AAK1: variants seen among roughly 807,000 people sequenced by gnomAD.
The protein encoded by AAK1 is AP2 associated kinase 1, also known as AP2-associated protein kinase 1.
Under a neutral mutation model 116.0 loss-of-function variants are expected in AAK1, and 37 were observed. The observed-to-expected ratio is 0.32, with a 90% CI of 0.25 to 0.42. The LOEUF (loss-of-function observed/expected upper bound fraction) is 0.42, where lower values mean the gene tolerates loss of function less well. AAK1 is among the 10% of genes least tolerant of loss of function. The pLI is 1.00. For synonymous variants in AAK1, 458 were observed against 439.9 expected (o/e 1.04, Z -0.51); for missense variants, 919 against 1,170.6 (o/e 0.79, Z 3.14).
intron 2 of AAK1, among the ~76,000 whole-genome samples, chr2:69,591,755 G>A (rs1394533823): frequency 6.6e-6 from 1 of 152,060 alleles, no homozygotes; most frequent in Non-Finnish European, 1.5e-5. Context: ...ATTTTTAGCA[G>A]AGACGGGGTT....
At chr2:69,498,095 G>T (rs1371742985) in intron 16 of AAK1, among the ~76,000 whole-genome samples, 2 of 128,928 alleles carry the variant, frequency 1.6e-5, no homozygotes, top group Non-Finnish European at 3.1e-5. Context: ...CTTTCTCAAT[G>T]ACCCCTGAAT....
chr2:69,633,907 C>T (rs1318464408), intron 2 of AAK1, among the ~76,000 whole-genome samples: 11 of 152,288 alleles, frequency 7.2e-5, no homozygotes, highest in Admixed American at 3.9e-4. Flanking sequence ...CAGTGGCTCA[C>T]GCCTGTAATC....
intron 2 of AAK1, among the ~76,000 whole-genome samples, chr2:69,592,412 A>C (rs1245316069): frequency 6.6e-6 from 1 of 152,184 alleles, no homozygotes; most frequent in African/African-American, 2.4e-5. Flanking sequence ...ACATCCTAAT[A>C]ATGCACAGGA....
At chr2:69,612,715 A>T (rs1674142647) in intron 2 of AAK1, among the ~76,000 whole-genome samples, 1 of 152,246 alleles carries the variant, frequency 6.6e-6, no homozygotes, top group African/African-American at 2.4e-5. Context: ...CTAAGGAGGC[A>T]AGCCAATCCT....
intron 10 of AAK1, among the ~76,000 whole-genome samples, chr2:69,521,904 C>T (rs1031942607): frequency 5.3e-5 from 8 of 152,234 alleles, no homozygotes; most frequent in African/African-American, 1.7e-4. Context: ...TCCCTGAGGG[C>T]CTCATGGAGC....
chr2:69,550,298 C>G (rs557885010), intron 3 of AAK1, among the ~76,000 whole-genome samples: 79 of 152,244 alleles, frequency 5.2e-4, no homozygotes, highest in African/African-American at 1.9e-3. Context: ...AACTATAAAA[C>G]AGCTTAAAAT....
At chr2:69,589,724 A>G (rs1384446396) in intron 2 of AAK1, among the ~76,000 whole-genome samples, 10 of 151,398 alleles carry the variant, frequency 6.6e-5, no homozygotes, top group East Asian at 1.9e-4. Context: ...AAAAAAAAAA[A>G]AAAAAGAAAG....
chr2:69,497,960 T>A lies in AAK1; in HGVS notation c.2270-1880A>T, dbSNP rs112924088. Among the ~76,000 whole-genome samples the A allele has an allele frequency of 7.7e-4, 118 of 152,274 alleles. 1 individual carries two copies. Among genetic ancestry groups the A allele is most frequent in the African/African-American group, 2.7e-3 (113 of 41,546 alleles). On this transcript the variant is annotated intron_variant, in intron 16 of 21. Coordinates refer to ENST00000409085, the MANE Select transcript of AAK1 (RefSeq NM_014911.5). ...TTTTCTTCTCCCCTCAGTGCCGATG[T>A]CACCCATACCTCTGGCTCTGGGACC...
intron 5 of AAK1, among the ~76,000 whole-genome samples, chr2:69,540,322 T>C (rs1051567481): frequency 5.9e-5 from 9 of 152,270 alleles, no homozygotes; most frequent in African/African-American, 2.2e-4. Flanking sequence ...GGTTTCACCA[T>C]GTTGGCCAGG....
Position 69,474,410 on chromosome 2 carries a change from A to C in AAK1, c.*1459T>G, listed in dbSNP as rs1674779071. ...AAAAGTGCTTTCCACATAAGGAAAT[A>C]AAATACACTTTAATGAGTAAGTACA... On this transcript the variant is annotated 3_prime_UTR_variant, in exon 22 of 22. Coordinates refer to ENST00000409085, the MANE Select transcript of AAK1 (RefSeq NM_014911.5). The C allele has an allele frequency of 1.0e-6, 1 of 985,856 alleles. No homozygotes were observed. The highest frequency in any genetic ancestry group is 1.2e-6 in the Non-Finnish European group (1 of 829,922). 61.1% of individuals were successfully genotyped at this position (985,856 alleles called of 1,614,324 possible). A position where few individuals can be genotyped will look rare whatever the true frequency, so the allele number is the denominator to read the frequency against.
intron 14 of AAK1, among the ~76,000 whole-genome samples, chr2:69,508,136 CT>C (rs1292198164): frequency 6.6e-6 from 1 of 152,198 alleles, no homozygotes; most frequent in Non-Finnish European, 1.5e-5. Context: ...TAATCTCTTG[CT>C]TAAGTTTTCA....
In AAK1 at chr2:69,519,342, A is replaced by G. The variant is rs1669647638; in HGVS notation, c.1211-102T>C. On this transcript the variant is annotated intron_variant, in intron 11 of 21. Coordinates refer to ENST00000409085, the MANE Select transcript of AAK1 (RefSeq NM_014911.5). ...CTAATAGGGGGTGACAAGTGTGCAG[A>G]GTATCTCAAGATTCGTGTCCTCCTC... is the stretch of plus-strand genomic sequence containing the variant. The G allele has an allele frequency of 5.6e-6, 8 of 1,418,888 alleles. No individual in the cohort carries two copies. The East Asian group carries it at 2.0e-4, about 36-fold the overall frequency. The allele number at this position is 1,418,888 out of a possible 1,614,324, so 87.9% of individuals were successfully genotyped here. A position where few individuals can be genotyped will look rare whatever the true frequency, so the allele number is the denominator to read the frequency against.
At position 69,522,803 on chromosome 2, in the gene AAK1, CA is replaced by C. The variant is rs11465056; in HGVS notation, c.1056-1816del. On this transcript the variant is annotated intron_variant, in intron 10 of 21. Coordinates refer to ENST00000409085, the MANE Select transcript of AAK1 (RefSeq NM_014911.5). The stretch of plus-strand genomic sequence containing the variant: ...TGGGTGACAGAGCAAGACTCCATCT[CA>C]AAAAAAAAAAAAGAGGAAAAAAAGA... Among the ~76,000 whole-genome samples the C allele has an allele frequency of 1.4e-3, 179 of 125,580 alleles. 1 individual carries two copies. Among genetic ancestry groups the C allele is most frequent in the Admixed American group, 2.5e-3 (29 of 11,770 alleles). 82.4% of individuals were successfully genotyped at this position (125,580 alleles called of 152,430 possible). A position where few individuals can be genotyped will look rare whatever the true frequency, so the allele number is the denominator to read the frequency against.
chr2:69,534,570 G>C (rs1303555623), intron 5 of AAK1, among the ~76,000 whole-genome samples: 1 of 152,158 alleles, frequency 6.6e-6, no homozygotes, highest in East Asian at 1.9e-4. Context: ...TTATTCAATT[G>C]CTCCTTTTAT....
At chr2:69,634,524 T>C (rs978066996) in intron 2 of AAK1, among the ~76,000 whole-genome samples, 1 of 152,228 alleles carries the variant, frequency 6.6e-6, no homozygotes, top group Non-Finnish European at 1.5e-5. Context: ...TGAGATGCTA[T>C]GGCAAACAGA....
At chr2:69,507,768 G>A (rs779933056) in intron 14 of AAK1, among the ~76,000 whole-genome samples, 190 bp from the exon 15 acceptor site, 3 of 150,292 alleles carry the variant, frequency 2.0e-5, no homozygotes, top group East Asian at 1.9e-4. Flanking sequence ...GCACAATGGC[G>A]TGATCTCGAC....
chr2:69,560,111 C>A (rs1269459210), intron 2 of AAK1, among the ~76,000 whole-genome samples: 1 of 152,242 alleles, frequency 6.6e-6, no homozygotes, highest in Non-Finnish European at 1.5e-5. Context: ...AAGGGCTTAT[C>A]TGCAGATGAG....
chr2:69,469,194 C>T lies in AAK1; in HGVS notation c.*6675G>A. ...CAGTGTGGCTGAGGCGGAGAGCAAC[C>T]ACACTTTGCAACTCTCCAGGCCTGG... On this transcript the variant is annotated 3_prime_UTR_variant, in exon 22 of 22. Transcript: ENST00000409085. 1.0e-6 allele frequency: 1 copy of T among 985,404 alleles called. No homozygotes were observed. The highest frequency in any genetic ancestry group is 1.2e-6 in the Non-Finnish European group (1 of 829,944). The allele number at this position is 985,404 out of a possible 1,614,324, so 61.0% of individuals were successfully genotyped here. A position where few individuals can be genotyped will look rare whatever the true frequency, so the allele number is the denominator to read the frequency against.
chr2:69,518,366 G>A (rs1676670149), intron 12 of AAK1, among the ~76,000 whole-genome samples: 1 of 148,090 alleles, frequency 6.8e-6, no homozygotes, highest in African/African-American at 2.5e-5. Flanking sequence ...TGTTACAGTT[G>A]TATTAGAAAA....
Sources: gnomAD v4.1 joint callset for allele counts (sites outside exome capture counted in the v4.1 genomes callset) on GRCh38, gnomAD v4.1.1 for gene constraint, MANE v1.5 for transcripts, NCBI Gene and HGNC (gene_info 2026-07-23, HGNC 2026-07-21) for gene names.